The following MYZAP variants were observed in gnomAD, a reference collection of about 807,000 sequenced individuals.
MYZAP encodes the protein myocardial zonula adherens protein, also known as GRINL1A complex locus upstream.
A neutral mutation model predicts 69.4 loss-of-function variants in MYZAP; 66 were observed. The ratio of observed to expected loss-of-function variants is 0.95; its 90% confidence interval spans 0.78 to 1.17. The LOEUF is 1.17. MYZAP is among the 50% of genes most tolerant of loss of function. The probability of loss-of-function intolerance (pLI) is 0.00; values close to 1 mark genes in which losing one functional copy is unlikely to be tolerated. For synonymous variants in MYZAP, 256 were observed against 205.9 expected, an observed-to-expected ratio of 1.24 and a Z score of -2.09; for missense variants, 611 against 556.2, an observed-to-expected ratio of 1.10 and a Z score of -0.99.
At chr15:57,592,536 A>G (rs1222832431) in intron 1 of MYZAP, among the ~76,000 whole-genome samples, 1 of 152,160 alleles carries the variant, frequency 6.6e-6, no homozygotes, top group Non-Finnish European at 1.5e-5. Flanking sequence ...TAGGGTATCC[A>G]CTAGTGATAG....
At chr15:57,627,422 G>A (rs1436142977) in intron 5 of MYZAP, among the ~76,000 whole-genome samples, 1 of 149,772 alleles carries the variant, frequency 6.7e-6, no homozygotes, top group African/African-American at 2.5e-5. Flanking sequence ...GGGGGAGGAG[G>A]AGGAGGAGGA....
At chr15:57,680,350 AC>A (rs1434376248) in intron 12 of MYZAP, among the ~76,000 whole-genome samples, 1 of 151,782 alleles carries the variant, frequency 6.6e-6, no homozygotes, top group Non-Finnish European at 1.5e-5. Context: ...TCTCTGCCTC[AC>A]TTTCTCCTCC....
At chr15:57,599,815 A>AT in intron 1 of MYZAP, 1 of 749,816 alleles carries the variant, frequency 1.3e-6, no homozygotes, top group Admixed American at 2.3e-5. Flanking sequence ...TGGGTGGTTC[A>AT]GGGGTTACTG....
chr15:57,633,627 T>C lies in MYZAP; in HGVS notation c.819T>C (p.Ser273=), dbSNP rs774005642. Residue 273 remains serine (S), a synonymous_variant, in exon 8 of 13, where the codon AGT becomes AGC. Transcript: ENST00000267853. The stretch of plus-strand genomic sequence containing the variant: ...TTCTTTTGCAGGAAGAAACCAATAG[T>C]TTTCTGAAAGCGATTGAAGAAGCCA... ...EKEALLEETN[S]FLKAIEEANK... The C allele has an allele frequency of 3.5e-4, 572 of 1,612,748 alleles. No homozygotes were observed. The highest frequency in any genetic ancestry group is 1.6e-4 in the Non-Finnish European group (183 of 1,179,498).
In MYZAP at chr15:57,629,754, G is replaced by C. The variant is rs2036383677; in HGVS notation, c.578G>C (p.Arg193Thr). 6.2e-7 allele frequency: 1 copy of C among 1,613,804 alleles called. No homozygotes were observed. Among genetic ancestry groups the C allele is most frequent in the Non-Finnish European group, 8.5e-7 (1 of 1,179,976 alleles). The change falls in exon 6 of 13, where the codon AGA (arginine) becomes ACA (threonine). Residue 193 changes from arginine (R) to threonine (T), a missense_variant. Arg to Thr is a moderately conservative substitution (Grantham distance 71). Transcript: ENST00000267853. ...LENSNIKDQI[R>T]NLQQTYEASM... ...AACAGCAACATTAAGGATCAAATCA[G>C]AAATCTGCAGCAGACGTATGAAGCA...
At chr15:57,660,931 G>C (rs1214818753) in intron 10 of MYZAP, among the ~76,000 whole-genome samples, 1 of 152,176 alleles carries the variant, frequency 6.6e-6, no homozygotes, top group Non-Finnish European at 1.5e-5. Context: ...CACTTTTAAT[G>C]AGACTTCTAA....
intron 11 of MYZAP, among the ~76,000 whole-genome samples, chr15:57,672,579 C>G (rs2038919017): frequency 6.6e-6 from 1 of 152,160 alleles, no homozygotes; most frequent in Non-Finnish European, 1.5e-5. Context: ...TTCCTGCTGT[C>G]TTTAGTCTTA....
chr15:57,649,297 T>C (rs1226907736), intron 10 of MYZAP, among the ~76,000 whole-genome samples: 1 of 152,220 alleles, frequency 6.6e-6, no homozygotes, highest in East Asian at 1.9e-4. Context: ...CTGCCCACAG[T>C]GCACATACCT....
At chr15:57,622,485 A>G (rs1400028626) in intron 4 of MYZAP, among the ~76,000 whole-genome samples, 2 of 152,176 alleles carry the variant, frequency 1.3e-5, no homozygotes, top group African/African-American at 2.4e-5. Context: ...AACGAGAGGG[A>G]GTAGCCTTAT....
rs1460416876 is a variant in MYZAP, at chr15:57,632,452, G to A, written c.697G>A (p.Ala233Thr). The change falls in exon 7 of 13, where the codon GCC (alanine) becomes ACC (threonine). Residue 233 changes from alanine (A) to threonine (T), a missense_variant. By Grantham distance (58) the Ala-to-Thr change is moderately conservative (BLOSUM62 0). Coordinates refer to ENST00000267853, the MANE Select transcript of MYZAP (RefSeq NM_001018100.5). Reference sequence around the variant, plus strand: ...GTTGTAGGTGGAATCGTCCCAAGAAGCCAATGCTGAGGTGATGCGAGAGAT... The same window carrying A: ...GTTGTAGGTGGAATCGTCCCAAGAAACCAATGCTGAGGTGATGCGAGAGAT... ...LKMKVESSQE[A>T]NAEVMREMTK... The A allele has an allele frequency of 1.2e-6, 2 of 1,614,144 alleles. No homozygotes were observed. Among genetic ancestry groups the A allele is most frequent in the Non-Finnish European group, 1.7e-6 (2 of 1,180,016 alleles).
chr15:57,639,699 A>T (rs2037027633), intron 10 of MYZAP, among the ~76,000 whole-genome samples, 154 bp downstream of exon 10: 1 of 152,178 alleles, frequency 6.6e-6, no homozygotes, highest in Non-Finnish European at 1.5e-5. Flanking sequence ...ATTTCCCCAC[A>T]TGTCCCCCAT....
At chr15:57,630,073 A>G (rs1318207599) in intron 6 of MYZAP, among the ~76,000 whole-genome samples, 1 of 150,406 alleles carries the variant, frequency 6.6e-6, no homozygotes, top group Non-Finnish European at 1.5e-5. Context: ...GGTTCAAGCA[A>G]TTCTCGTGCC....
At chr15:57,623,059 T>A (rs189972848) in intron 4 of MYZAP, among the ~76,000 whole-genome samples, 18 of 152,196 alleles carry the variant, frequency 1.2e-4, no homozygotes, top group African/African-American at 4.3e-4. Flanking sequence ...AAAGGAAAGA[T>A]GGAGAGAGCT....
chr15:57,662,049 G>A (rs1567233728), intron 11 of MYZAP, among the ~76,000 whole-genome samples: 3 of 152,184 alleles, frequency 2.0e-5, no homozygotes, highest in South Asian at 2.1e-4. Context: ...CTGTCACAGC[G>A]AGTGAAGATG....
chr15:57,665,278 C>T (rs1294539898), intron 11 of MYZAP, among the ~76,000 whole-genome samples: 2 of 152,212 alleles, frequency 1.3e-5, no homozygotes, highest in African/African-American at 4.8e-5. Context: ...TGAGGCTGGA[C>T]GTGAGTCTTA....
In MYZAP at chr15:57,684,532, A is replaced by C. The variant is rs1415384027; in HGVS notation, c.*34A>C. 7.3e-7 allele frequency: 1 copy of C among 1,376,430 alleles called. No individual in the cohort carries two copies. The highest frequency in any genetic ancestry group is 1.0e-6 in the Non-Finnish European group (1 of 973,548). The allele number at this position is 1,376,430 out of a possible 1,614,324, so 85.3% of individuals were successfully genotyped here. A position where few individuals can be genotyped will look rare whatever the true frequency, so the allele number is the denominator to read the frequency against. On this transcript the variant is annotated 3_prime_UTR_variant, in exon 13 of 13. Transcript: ENST00000267853. ...AGGCATACACTTTTTACAGATGGAC[A>C]AAAGCTCTGGAACCCTGTGGCTTCA...
Position 57,660,869 on chromosome 15 carries a change from G to A in MYZAP, c.1120-581G>A, listed in dbSNP as rs534765416. The stretch of plus-strand genomic sequence containing the variant: ...AAACAAAGATGGATCTTTTTAGGAA[G>A]CCTTTCTTGCTTACTCCAGGCCACA... On this transcript the variant is annotated intron_variant, in intron 10 of 12. Transcript: ENST00000267853. Among the ~76,000 whole-genome samples, 257 of 152,190 alleles carry A rather than the reference G, an allele frequency of 1.7e-3. 2 individuals are homozygous for A. Among genetic ancestry groups the A allele is most frequent in the Non-Finnish European group, 3.0e-3 (204 of 67,988 alleles).
Position 57,649,273 on chromosome 15 carries a change from A to G in MYZAP, c.1119+9728A>G, listed in dbSNP as rs182435284. Reference sequence around the variant, plus strand: ...ATTGGCATAATTTCACCTTTTCTAGATATTGCCCAATCGCTGCCCACAGTG... The same window carrying G: ...ATTGGCATAATTTCACCTTTTCTAGGTATTGCCCAATCGCTGCCCACAGTG... On this transcript the variant is annotated intron_variant, in intron 10 of 12. Transcript: ENST00000267853. 2.9e-3 allele frequency among the ~76,000 whole-genome samples: 438 copies of G among 152,296 alleles called. 2 individuals are homozygous for G. Among genetic ancestry groups the G allele is most frequent in the African/African-American group, 0.01 (427 of 41,548 alleles).
intron 1 of MYZAP, chr15:57,599,458 C>G: frequency 8.5e-7 from 1 of 1,174,352 alleles, no homozygotes; most frequent in Non-Finnish European, 1.1e-6. Flanking sequence ...GTCCAGCTTC[C>G]TGCTTTGATC....
Sources: allele counts gnomAD v4.1 joint callset (sites outside exome capture counted in the v4.1 genomes callset), GRCh38; gene constraint gnomAD v4.1.1; transcripts MANE v1.5; gene names NCBI Gene and HGNC (gene_info 2026-07-23, HGNC 2026-07-21).